Variants in CTNND2 observed in about 807,000 individuals in gnomAD.
The protein encoded by CTNND2 is catenin delta-2.
In CTNND2, 22 loss-of-function variants were observed where a neutral mutation model predicts 144.4. That is an observed-to-expected ratio of 0.15 (90% CI 0.11 to 0.22). The LOEUF (loss-of-function observed/expected upper bound fraction) is 0.22. Ranked by LOEUF, CTNND2 falls within the 10% of genes least tolerant of loss-of-function variation. The pLI is 1.00. For missense variants in CTNND2, 1,353 were observed against 1,618.8 expected (o/e 0.84, Z 2.82); for synonymous variants, 751 against 695.6 (o/e 1.08, Z -1.25).
intron 2 of CTNND2, among the ~76,000 whole-genome samples, chr5:11,671,958 G>C (rs569245170): frequency 6.6e-6 from 1 of 152,274 alleles, no homozygotes; most frequent in South Asian, 2.1e-4. Flanking sequence ...TATGGAGGGG[G>C]TCTCTGAGTA....
At position 11,607,196 on chromosome 5, in the gene CTNND2, T is replaced by C. The variant is rs530677776; in HGVS notation, c.175-42140A>G. Among the ~76,000 whole-genome samples the C allele has an allele frequency of 2.0e-5, 3 of 152,296 alleles. 1 individual carries two copies. Among genetic ancestry groups the C allele is most frequent in the African/African-American group, 7.2e-5 (3 of 41,566 alleles). On this transcript the variant is annotated intron_variant, in intron 2 of 21. Coordinates refer to ENST00000304623, the MANE Select transcript of CTNND2 (RefSeq NM_001332.4). ...CAGAACAAACTGATCTGATGGCACCTTGATCTTGGACTTCTGGCCTTGAGA... is the reference window on the plus strand; with the variant it reads ...CAGAACAAACTGATCTGATGGCACCCTGATCTTGGACTTCTGGCCTTGAGA...
At chr5:11,231,219 TC>T (rs145356992) in intron 10 of CTNND2, among the ~76,000 whole-genome samples, 2,421 of 152,284 alleles carry the variant, frequency 0.016, 22 homozygotes, top group Middle Eastern at 0.041. Context: ...CCATTAAACC[TC>T]TTTTTTTAAT....
In CTNND2 at chr5:10,992,614, G is replaced by A; in HGVS notation, c.3148C>T (p.Pro1050Ser). The A allele has an allele frequency of 6.2e-7, 1 of 1,614,144 alleles. No homozygotes were observed. Among genetic ancestry groups the A allele is most frequent in the Non-Finnish European group, 8.5e-7 (1 of 1,180,032 alleles). ...SSTIERDRQRPYSSSRTPSIS... is the reference protein window; with the variant it reads ...SSTIERDRQRSYSSSRTPSIS... ...GAGGGCGTGCGGGAGGAGGAGTAGGGCCTTTGCCGGTCCCTCTCGATGGTT... is the reference window on the plus strand; with the variant it reads ...GAGGGCGTGCGGGAGGAGGAGTAGGACCTTTGCCGGTCCCTCTCGATGGTT... Residue 1050 changes from proline to serine, a missense_variant, in exon 19 of 22, where the codon CCC becomes TCC. By Grantham distance (74) the Pro-to-Ser change is moderately conservative (BLOSUM62 -1). This residue lies in a region of CTNND2 where 459 missense variants were observed against 674.3 expected (regional missense o/e 0.68). Transcript: ENST00000304623.
chr5:11,455,252 G>C (rs749664166), intron 3 of CTNND2, among the ~76,000 whole-genome samples: 1 of 152,068 alleles, frequency 6.6e-6, no homozygotes, highest in Non-Finnish European at 1.5e-5. Context: ...AGAGTAGTAA[G>C]AGAAAATCAG....
intron 3 of CTNND2, among the ~76,000 whole-genome samples, chr5:11,510,765 T>G (rs1771559717): frequency 6.6e-6 from 1 of 152,100 alleles, no homozygotes; most frequent in Non-Finnish European, 1.5e-5. Flanking sequence ...ACCCCGTCTC[T>G]ACAAAAATAC....
At chr5:11,845,715 ACT>A (rs1794702350) in intron 1 of CTNND2, among the ~76,000 whole-genome samples, 1 of 152,254 alleles carries the variant, frequency 6.6e-6, no homozygotes, top group Non-Finnish European at 1.5e-5. Flanking sequence ...GGGCTAGCAC[ACT>A]AATACAATCG....
chr5:10,978,919 G>C (rs1261102531), intron 21 of CTNND2, among the ~76,000 whole-genome samples: 1 of 152,210 alleles, frequency 6.6e-6, no homozygotes, highest in Non-Finnish European at 1.5e-5. Context: ...AGCCATTATA[G>C]ACTGTCCTCT....
chr5:11,877,955 C>G (rs1315665248), intron 1 of CTNND2, among the ~76,000 whole-genome samples: 2 of 152,090 alleles, frequency 1.3e-5, no homozygotes, highest in African/African-American at 4.8e-5. Context: ...GAGCAGCATG[C>G]AAAATTCTGA....
At chr5:11,334,192 C>T (rs753670649) in intron 9 of CTNND2, among the ~76,000 whole-genome samples, 10 of 152,110 alleles carry the variant, frequency 6.6e-5, no homozygotes, top group Non-Finnish European at 8.8e-5. Flanking sequence ...CTCACTGGGA[C>T]ACAAATTTTG....
intron 9 of CTNND2, among the ~76,000 whole-genome samples, chr5:11,244,847 G>A (rs968168472): frequency 1.3e-5 from 2 of 152,172 alleles, no homozygotes; most frequent in African/African-American, 4.8e-5. Flanking sequence ...CAGCTCATGG[G>A]GGACTAGAAG....
intron 2 of CTNND2, among the ~76,000 whole-genome samples, chr5:11,593,869 G>A (rs1034031881): frequency 1.5e-5 from 2 of 136,646 alleles, no homozygotes; most frequent in Non-Finnish European, 3.2e-5. Context: ...ACCACTATAG[G>A]GTGCCACTAA....
At chr5:11,246,957 A>G (rs548313084) in intron 9 of CTNND2, among the ~76,000 whole-genome samples, 5 of 152,304 alleles carry the variant, frequency 3.3e-5, no homozygotes, top group African/African-American at 9.6e-5. Flanking sequence ...TGTGTCCGAC[A>G]TCGCAGGCCT....
At chr5:11,104,915 T>C (rs1337992434) in intron 14 of CTNND2, among the ~76,000 whole-genome samples, 2 of 152,228 alleles carry the variant, frequency 1.3e-5, no homozygotes, top group Admixed American at 6.5e-5. Flanking sequence ...GATTCAGGAA[T>C]AGCCTTGCTG....
At position 11,082,830 on chromosome 5, in the gene CTNND2, C is replaced by T. The variant is rs1038934049; in HGVS notation, c.2654G>A (p.Arg885Gln). 5.0e-6 allele frequency: 8 copies of T among 1,613,934 alleles called. No individual in the cohort carries two copies. The highest frequency in any genetic ancestry group is 1.7e-5 in the Admixed American group (1 of 60,000). ...AGSWKWSVYI[R>Q]AAVRKEKGLP... ...GCCTTTCTCTTTTCGGACAGCGGCT[C>T]GGATATATACTGACCACTGCAAAAA... Residue 885 changes from arginine (R) to glutamine (Q), a missense_variant, in exon 16 of 22, where the codon CGA (arginine) becomes CAA (glutamine). Around this residue, in one of 4 missense-constraint regions of CTNND2, gnomAD observed 459 missense variants for 674.3 expected, o/e 0.68. Coordinates refer to ENST00000304623, the MANE Select transcript of CTNND2 (RefSeq NM_001332.4).
At chr5:11,849,846 C>T (rs1008226101) in intron 1 of CTNND2, among the ~76,000 whole-genome samples, 3 of 152,134 alleles carry the variant, frequency 2.0e-5, no homozygotes, top group Non-Finnish European at 4.4e-5. Flanking sequence ...ACATTCTGCC[C>T]ATGGCCAGGA....
intron 3 of CTNND2, among the ~76,000 whole-genome samples, chr5:11,474,492 T>C (rs1046879852): frequency 2.0e-5 from 3 of 152,068 alleles, no homozygotes; most frequent in Non-Finnish European, 2.9e-5. Context: ...AAGAGAGAAG[T>C]AAACAAGCAC....
intron 2 of CTNND2, among the ~76,000 whole-genome samples, chr5:11,648,574 T>C (rs561189973): frequency 2.6e-5 from 4 of 152,358 alleles, no homozygotes; most frequent in African/African-American, 9.6e-5. Flanking sequence ...CCATAATCTT[T>C]AATCTACCTG....
intron 16 of CTNND2, among the ~76,000 whole-genome samples, chr5:11,047,894 T>G (rs1745435623): frequency 6.6e-6 from 1 of 152,176 alleles, no homozygotes; most frequent in African/African-American, 2.4e-5. Context: ...ACTCTCAGGT[T>G]TAAGTCCTGT....
At chr5:11,289,191 G>A (rs1417786277) in intron 9 of CTNND2, among the ~76,000 whole-genome samples, 2 of 152,156 alleles carry the variant, frequency 1.3e-5, no homozygotes, top group Non-Finnish European at 2.9e-5. Flanking sequence ...CTCAAGAAGT[G>A]CCTGTTTTCT....
Sources: gnomAD v4.1 joint callset for allele counts (sites outside exome capture counted in the v4.1 genomes callset) on GRCh38, gnomAD v4.1.1 for gene constraint, gnomAD v4.1.1 regional missense constraint, MANE v1.5 for transcripts, NCBI Gene and HGNC (gene_info 2026-07-23, HGNC 2026-07-21) for gene names.